Variants in RAB33B observed in about 807,000 individuals in gnomAD.
RAB33B encodes the protein ras-related protein Rab-33B.
In RAB33B, 6 loss-of-function variants were observed where a neutral mutation model predicts 15.0. That is an observed-to-expected ratio of 0.40 (90% CI 0.22 to 0.79). The LOEUF (loss-of-function observed/expected upper bound fraction) is 0.79, where lower values mean the gene tolerates loss of function less well. Ranked by LOEUF, RAB33B falls within the 30% of genes least tolerant of loss-of-function variation. RAB33B has a pLI of 0.37. For missense variants in RAB33B, 257 were observed against 296.4 expected (o/e 0.87, Z 0.98); for synonymous variants, 117 against 108.3 (o/e 1.08, Z -0.50).
At chr4:139,462,692 C>G (rs973107573) in intron 1 of RAB33B, among the ~76,000 whole-genome samples, 6 of 152,176 alleles carry the variant, frequency 3.9e-5, no homozygotes, top group African/African-American at 1.4e-4. Context: ...AATCAAATGG[C>G]AAATCTTTGA....
chr4:139,459,973 T>G (rs536685846), intron 1 of RAB33B, among the ~76,000 whole-genome samples: 24 of 152,178 alleles, frequency 1.6e-4, no homozygotes, highest in African/African-American at 5.8e-4. Flanking sequence ...CAGGGAAAAG[T>G]GTTGAATATA....
intron 1 of RAB33B, among the ~76,000 whole-genome samples, chr4:139,467,456 A>T (rs1301640591): frequency 7.3e-6 from 1 of 137,440 alleles, no homozygotes; most frequent in Non-Finnish European, 1.5e-5. Flanking sequence ...TAGTAGGTGT[A>T]TATATTTATG....
At chr4:139,440,565 A>G in the RAB33B span, among the ~76,000 whole-genome samples, 1 of 151,998 alleles carries the variant, frequency 6.6e-6, no homozygotes. Context: ...CATGAGATTC[A>G]GTGGTAGGAG....
At chr4:139,468,417 A>C (rs768928869) in intron 1 of RAB33B, among the ~76,000 whole-genome samples, 18 of 152,178 alleles carry the variant, frequency 1.2e-4, no homozygotes, top group Non-Finnish European at 2.4e-4. Flanking sequence ...TTACATAAAC[A>C]AACAAACAAA....
chr4:139,472,208 C>T (rs1016961889), intron 1 of RAB33B, among the ~76,000 whole-genome samples: 2 of 151,934 alleles, frequency 1.3e-5, no homozygotes, highest in Non-Finnish European at 2.9e-5. Flanking sequence ...TTCAAGGGGT[C>T]CTGGATTTCA....
chr4:139,442,779 T>TTATATA, the RAB33B span, among the ~76,000 whole-genome samples: 200 of 152,188 alleles, frequency 1.3e-3, 3 homozygotes, highest in East Asian at 0.035. Context: ...AAACTCTCCT[T>TTATATA]TATATATAAA....
At chr4:139,455,028 G>A (rs1750037801) in intron 1 of RAB33B, among the ~76,000 whole-genome samples, 1 of 152,190 alleles carries the variant, frequency 6.6e-6, no homozygotes, top group Admixed American at 6.5e-5. Context: ...CATTCTATAT[G>A]TGATAGTTCC....
upstream of RAB33B, chr4:139,450,325 A>T (rs1749894384): frequency 6.6e-6 from 1 of 152,256 alleles, no homozygotes; most frequent in African/African-American, 2.4e-5. Context: ...GTGATATAGT[A>T]ATTTGGTGGA....
chr4:139,468,687 G>C (rs1046008842), intron 1 of RAB33B, among the ~76,000 whole-genome samples: 1 of 152,104 alleles, frequency 6.6e-6, no homozygotes, highest in Non-Finnish European at 1.5e-5. Flanking sequence ...TGTATTGCTC[G>C]TTAATGTCCT....
At position 139,475,209 on chromosome 4, in the gene RAB33B, T is replaced by C. The variant is rs1277745304; in HGVS notation, c.*2083T>C. 2.0e-5 allele frequency: 3 copies of C among 152,106 alleles called. No individual in the cohort carries two copies. Among genetic ancestry groups the C allele is most frequent in the African/African-American group, 4.8e-5 (2 of 41,458 alleles). The allele number at this position is 152,106 out of a possible 1,614,324, so 9.4% of individuals were successfully genotyped here. ...ATAAAACAATGACAGCTGTAGTAAC[T>C]ATGATGGGTGTAACAACATTTTTTT... On this transcript the variant is annotated 3_prime_UTR_variant, in exon 2 of 2. Transcript: ENST00000305626.
intron 1 of RAB33B, among the ~76,000 whole-genome samples, chr4:139,464,573 G>A (rs930166283): frequency 2.0e-5 from 3 of 151,982 alleles, no homozygotes; most frequent in Non-Finnish European, 4.4e-5. Context: ...GGTGTGTGAT[G>A]TTCTCCACCC....
chr4:139,450,158 A>G (rs1015560525), upstream of RAB33B: 1 of 152,220 alleles, frequency 6.6e-6, no homozygotes, highest in Admixed American at 6.5e-5. Flanking sequence ...TACTGAGTAC[A>G]TAGTTCAAAT....
At chr4:139,462,851 G>A (rs1750200304) in intron 1 of RAB33B, among the ~76,000 whole-genome samples, 1 of 152,140 alleles carries the variant, frequency 6.6e-6, no homozygotes, top group Admixed American at 6.5e-5. Flanking sequence ...ACAAATTTTT[G>A]TGATTATTTG....
Position 139,454,393 on chromosome 4 carries a change from A to G in RAB33B, c.198A>G (p.Ile66Met). 1 of 1,613,332 alleles carries G rather than the reference A, an allele frequency of 6.2e-7. No homozygotes were observed. The highest frequency in any genetic ancestry group is 1.1e-5 in the South Asian group (1 of 91,070). ...GRFPDRTEAT[I>M]GVDFRERAVE... ...TCCCCGACCGCACCGAGGCCACGAT[A>G]GGGGTGGATTTCCGAGAACGAGCGG... The change falls in exon 1 of 2, where the codon ATA becomes ATG. Residue 66 changes from isoleucine to methionine, a missense_variant. Coordinates refer to ENST00000305626, the MANE Select transcript of RAB33B (RefSeq NM_031296.3).
rs151260536 is a variant in RAB33B at position 139,465,471 on chromosome 4, A to T, written c.250-7215A>T. ...AGACATGGAGTCCTTGCCCATGCCT[A>T]TGTCCTGAATGGTATTGCCTACGTT... On this transcript the variant is annotated intron_variant, in intron 1 of 1. Transcript: ENST00000305626. 5.3e-4 allele frequency among the ~76,000 whole-genome samples: 81 copies of T among 152,308 alleles called. No individual in the cohort carries two copies. In the East Asian group the frequency reaches 0.014, roughly 26 times the overall value.
the RAB33B span, among the ~76,000 whole-genome samples, chr4:139,448,217 T>C: frequency 6.6e-6 from 1 of 151,964 alleles, no homozygotes; most frequent in Non-Finnish European, 1.5e-5. Context: ...GAAATGAAGG[T>C]TTGGGTTACG....
chr4:139,468,106 A>G (rs1188653343), intron 1 of RAB33B, among the ~76,000 whole-genome samples: 1 of 152,068 alleles, frequency 6.6e-6, no homozygotes, highest in East Asian at 1.9e-4. Flanking sequence ...CAAATAAGTG[A>G]GAACATGTGA....
the RAB33B span, among the ~76,000 whole-genome samples, chr4:139,438,607 G>C: frequency 1.4e-5 from 2 of 147,460 alleles, no homozygotes; most frequent in Non-Finnish European, 3.0e-5. Context: ...TTTTTTTTTT[G>C]GTCTGATGGC....
rs745610460 is a variant in RAB33B at position 139,475,877 on chromosome 4, C to T, written c.*2751C>T. The T allele has an allele frequency of 2.8e-4, 42 of 152,066 alleles. No homozygotes were observed. The highest frequency in any genetic ancestry group is 4.1e-4 in the Non-Finnish European group (28 of 68,008). 9.4% of individuals were successfully genotyped at this position (152,066 alleles called of 1,614,324 possible). A position where few individuals can be genotyped will look rare whatever the true frequency, so the allele number is the denominator to read the frequency against. Reference sequence around the variant, plus strand: ...GTGGAATAGTGTCACTGTTACATTTCCCCCATGAAGTTCAATAAACCAGCT... The same window carrying T: ...GTGGAATAGTGTCACTGTTACATTTTCCCCATGAAGTTCAATAAACCAGCT... On this transcript the variant is annotated 3_prime_UTR_variant, in exon 2 of 2. Coordinates refer to ENST00000305626, the MANE Select transcript of RAB33B (RefSeq NM_031296.3).
Sources: gnomAD v4.1 joint callset for allele counts (sites outside exome capture counted in the v4.1 genomes callset) on GRCh38, gnomAD v4.1.1 for gene constraint, MANE v1.5 for transcripts, NCBI Gene and HGNC (gene_info 2026-07-23, HGNC 2026-07-21) for gene names.